RALYL: variants seen among roughly 807,000 people sequenced by gnomAD.
RALYL encodes RNA-binding Raly-like protein.
RALYL carries 29 observed loss-of-function variants against 35.1 expected under a neutral mutation model. That is an observed-to-expected ratio of 0.83 (90% CI 0.61 to 1.13). The LOEUF (loss-of-function observed/expected upper bound fraction) is 1.13, where lower values mean the gene tolerates loss of function less well. Ranked by LOEUF, RALYL falls within the 50% of genes most tolerant of loss-of-function variation. The pLI, the probability that RALYL is intolerant of heterozygous loss-of-function variation, is 0.00. For missense variants in RALYL, 359 were observed against 360.4 expected, an observed-to-expected ratio of 1.00 and a Z score of 0.03; for synonymous variants, 120 against 127.6, an observed-to-expected ratio of 0.94 and a Z score of 0.40.
intron 1 of RALYL, among the ~76,000 whole-genome samples, chr8:84,525,282 A>T (rs1475839017): frequency 6.6e-6 from 1 of 152,046 alleles, no homozygotes; most frequent in Non-Finnish European, 1.5e-5. Context: ...AAAAACAGAC[A>T]GTTTGTTTGC....
At position 84,897,329 on chromosome 8, in the gene RALYL, T is replaced by C. The variant is rs868015055; in HGVS notation, c.858+9553T>C. Among the ~76,000 whole-genome samples, 8 of 152,312 alleles carry C rather than the reference T, an allele frequency of 5.3e-5. No individual in the cohort carries two copies. In the South Asian group the frequency reaches 1.0e-3, roughly 20 times the overall value. On this transcript the variant is annotated intron_variant, in intron 8 of 8. Coordinates refer to ENST00000521268, the MANE Select transcript of RALYL (RefSeq NM_173848.7). ...CATAATCTTCATATGAAACTTTGTA[T>C]TTTTAAAAACCCTGGATTATCCAAA...
chr8:84,296,492 C>T (rs917839593), intron 1 of RALYL, among the ~76,000 whole-genome samples: 5 of 151,932 alleles, frequency 3.3e-5, no homozygotes, highest in Admixed American at 2.6e-4. Context: ...TTTGAAAATG[C>T]CCCAGGCTCC....
intron 2 of RALYL, among the ~76,000 whole-genome samples, chr8:84,744,240 A>G (rs897121724): frequency 7.6e-4 from 116 of 152,128 alleles, no homozygotes; most frequent in African/African-American, 2.6e-3. Context: ...TGTAATGTCC[A>G]TAATTCTAAG....
intron 2 of RALYL, among the ~76,000 whole-genome samples, chr8:84,687,681 A>T (rs1837102372): frequency 6.6e-6 from 1 of 152,052 alleles, no homozygotes; most frequent in African/African-American, 2.4e-5. Context: ...TAGTACACTG[A>T]ATTTTTTAGG....
chr8:84,591,974 T>C (rs1480439204), intron 2 of RALYL, among the ~76,000 whole-genome samples: 1 of 152,196 alleles, frequency 6.6e-6, no homozygotes, highest in African/African-American at 2.4e-5. Flanking sequence ...CTTTTCTTTT[T>C]GTTGTTCAAT....
chr8:84,705,783 G>A lies in RALYL; in HGVS notation c.257-68796G>A, dbSNP rs186114452. ...TCATTAGAGAACTTAACTGCTATAG[G>A]ATCGGGGGAGGTGAAGGAAATACAA... On this transcript the variant is annotated intron_variant, in intron 2 of 8. Coordinates refer to ENST00000521268, the MANE Select transcript of RALYL (RefSeq NM_173848.7). 142 of 635,550 alleles carry A rather than the reference G, an allele frequency of 2.2e-4. No homozygotes were observed. The African/African-American group carries it at 2.5e-3, about 11-fold the overall frequency. 39.4% of individuals were successfully genotyped at this position (635,550 alleles called of 1,614,324 possible). A position where few individuals can be genotyped will look rare whatever the true frequency, so the allele number is the denominator to read the frequency against.
At chr8:84,210,060 TA>T (rs950335038) in intron 1 of RALYL, among the ~76,000 whole-genome samples, 1 of 152,146 alleles carries the variant, frequency 6.6e-6, no homozygotes, top group African/African-American at 2.4e-5. Context: ...TCACTGGAAT[TA>T]AATGTGTGCC....
At chr8:84,770,767 G>C (rs1263490300) in intron 2 of RALYL, among the ~76,000 whole-genome samples, 1 of 152,084 alleles carries the variant, frequency 6.6e-6, no homozygotes, top group Non-Finnish European at 1.5e-5. Flanking sequence ...GTATAGCACC[G>C]TGGTTTTGAT....
rs1462771706 is a variant in RALYL, at chr8:84,580,368, G to A, written c.256+50791G>A. 2.6e-5 allele frequency among the ~76,000 whole-genome samples: 4 copies of A among 152,176 alleles called. No homozygotes were observed. The East Asian group carries it at 5.8e-4, about 22-fold the overall frequency. On this transcript the variant is annotated intron_variant, in intron 2 of 8. Coordinates refer to ENST00000521268, the MANE Select transcript of RALYL (RefSeq NM_173848.7). ...TTCAGCAGGCTGTATAAGAAGGAGGGTGCTGACATATGCTCAGTTTCTGAT... is the reference window on the plus strand; with the variant it reads ...TTCAGCAGGCTGTATAAGAAGGAGGATGCTGACATATGCTCAGTTTCTGAT...
chr8:84,492,835 T>C (rs958783101), intron 1 of RALYL, among the ~76,000 whole-genome samples: 3 of 152,148 alleles, frequency 2.0e-5, no homozygotes, highest in African/African-American at 7.2e-5. Flanking sequence ...AATTTTACAT[T>C]TTCAGAAGAG....
intron 1 of RALYL, among the ~76,000 whole-genome samples, chr8:84,521,893 T>A (rs894083656): frequency 6.6e-6 from 1 of 152,184 alleles, no homozygotes; most frequent in Non-Finnish European, 1.5e-5. Context: ...CACCTCTTTC[T>A]TAGTACCTAA....
At chr8:84,600,211 G>A (rs911473325) in intron 2 of RALYL, among the ~76,000 whole-genome samples, 3 of 151,942 alleles carry the variant, frequency 2.0e-5, no homozygotes, top group African/African-American at 4.8e-5. Context: ...ATAGTGTAAT[G>A]TTTAATTACA....
At chr8:84,541,640 CTT>C (rs754910788) in intron 2 of RALYL, among the ~76,000 whole-genome samples, 17 of 151,996 alleles carry the variant, frequency 1.1e-4, no homozygotes, top group Non-Finnish European at 1.6e-4. Context: ...TTTTTGTCCT[CTT>C]TTCCATCAGT....
chr8:84,203,716 C>A (rs1487987973), intron 1 of RALYL, among the ~76,000 whole-genome samples: 3 of 152,152 alleles, frequency 2.0e-5, no homozygotes, highest in African/African-American at 7.2e-5. Context: ...GTACAGAACA[C>A]ACACTGCATT....
chr8:84,737,898 T>C (rs1360693719), intron 2 of RALYL, among the ~76,000 whole-genome samples: 2 of 152,030 alleles, frequency 1.3e-5, no homozygotes, highest in Non-Finnish European at 1.5e-5. Context: ...CACCTTAATC[T>C]TGGACTTGCC....
intron 1 of RALYL, among the ~76,000 whole-genome samples, chr8:84,323,724 A>G (rs140022700): frequency 1.2e-3 from 190 of 152,228 alleles, no homozygotes; most frequent in Non-Finnish European, 2.1e-3. Context: ...ATGACCACAC[A>G]TATTAAATTC....
chr8:84,906,632 G>A (rs1391618599), intron 8 of RALYL, among the ~76,000 whole-genome samples: 3 of 151,734 alleles, frequency 2.0e-5, no homozygotes, highest in Admixed American at 1.3e-4. Flanking sequence ...GAGATTTATT[G>A]CCAAAATGTT....
At chr8:84,837,957 C>A (rs1017357137) in intron 4 of RALYL, among the ~76,000 whole-genome samples, 4 of 152,144 alleles carry the variant, frequency 2.6e-5, no homozygotes, top group African/African-American at 9.7e-5. Context: ...GTGCCCTAAA[C>A]TTCTATTTTA....
At chr8:84,599,622 T>G (rs1042561465) in intron 2 of RALYL, among the ~76,000 whole-genome samples, 25 of 152,012 alleles carry the variant, frequency 1.6e-4, no homozygotes, top group African/African-American at 6.0e-4. Flanking sequence ...TATTGAGATA[T>G]TCAAAGGATT....
Sources: allele counts gnomAD v4.1 joint callset (sites outside exome capture counted in the v4.1 genomes callset), GRCh38; gene constraint gnomAD v4.1.1; transcripts MANE v1.5; gene names NCBI Gene and HGNC (gene_info 2026-07-23, HGNC 2026-07-21).